The following CHCHD3 variants were observed in gnomAD, a reference collection of about 807,000 sequenced individuals.
The protein encoded by CHCHD3 is coiled-coil-helix-coiled-coil-helix domain containing 3.
CHCHD3 carries 20 observed loss-of-function variants against 38.2 expected under a neutral mutation model. The observed-to-expected ratio is 0.52, with a 90% CI of 0.37 to 0.76. The LOEUF (loss-of-function observed/expected upper bound fraction) is 0.76, where lower values mean the gene tolerates loss of function less well. Among genes scored for constraint, CHCHD3 ranks in the 30% least tolerant of loss-of-function variants. CHCHD3 has a pLI of 0.00. For synonymous variants in CHCHD3, 82 were observed against 100.0 expected, an observed-to-expected ratio of 0.82 and a Z score of 1.07; for missense variants, 245 against 279.2, an observed-to-expected ratio of 0.88 and a Z score of 0.87.
chr7:132,868,850 G>A (rs1808695225), intron 5 of CHCHD3, among the ~76,000 whole-genome samples: 1 of 152,068 alleles, frequency 6.6e-6, no homozygotes, highest in South Asian at 2.1e-4. Context: ...TAACTGCTGT[G>A]CGACTTTCCC....
chr7:132,966,876 CTTTAGTAGG>C (rs1486765650), intron 4 of CHCHD3, among the ~76,000 whole-genome samples: 1 of 152,188 alleles, frequency 6.6e-6, no homozygotes, highest in Non-Finnish European at 1.5e-5. Context: ...TTCTTAGCCT[CTTTAGTAGG>C]AAATGAGATT....
intron 7 of CHCHD3, among the ~76,000 whole-genome samples, chr7:132,795,751 G>C (rs542696389): frequency 6.6e-6 from 1 of 152,222 alleles, no homozygotes; most frequent in South Asian, 2.1e-4. Context: ...CTGTTAAATT[G>C]GTTAAATGAT....
At chr7:132,796,611 G>A in intron 6 of CHCHD3, 34 bp from the exon 7 acceptor site, 1 of 1,599,938 alleles carries the variant, frequency 6.3e-7, no homozygotes, top group Non-Finnish European at 8.6e-7. Flanking sequence ...TGAGACCAAT[G>A]GTCTTCATTC....
rs79563447 is a variant in CHCHD3 at position 132,907,979 on chromosome 7, T to C, written c.370-22234A>G. Among the ~76,000 whole-genome samples the C allele has an allele frequency of 3.9e-3, 593 of 152,014 alleles. 3 individuals are homozygous for C. The highest frequency in any genetic ancestry group is 0.014 in the African/African-American group (570 of 41,490). On this transcript the variant is annotated intron_variant, in intron 4 of 7. Transcript: ENST00000262570. Reference sequence around the variant, plus strand: ...AATGTACAAGAATTAACACAATACATACCATGACTATGCCACAGAAAAATC... The same window carrying C: ...AATGTACAAGAATTAACACAATACACACCATGACTATGCCACAGAAAAATC...
intron 4 of CHCHD3, among the ~76,000 whole-genome samples, chr7:132,892,684 GCT>G (rs1809393045): frequency 6.6e-6 from 1 of 152,170 alleles, no homozygotes; most frequent in African/African-American, 2.4e-5. Context: ...GGGCACTGCT[GCT>G]GTGTGCAGCC....
intron 4 of CHCHD3, among the ~76,000 whole-genome samples, chr7:132,949,158 T>C (rs911754094): frequency 6.6e-6 from 1 of 152,170 alleles, no homozygotes; most frequent in African/African-American, 2.4e-5. Context: ...ACTCTTCATA[T>C]ATCTATCTAT....
At chr7:132,894,074 A>G (rs148644572) in intron 4 of CHCHD3, among the ~76,000 whole-genome samples, 3 of 152,292 alleles carry the variant, frequency 2.0e-5, no homozygotes, top group African/African-American at 7.2e-5. Flanking sequence ...GGAGTACACA[A>G]ATTTTGAATA....
chr7:132,871,026 A>C (rs1247296703), intron 5 of CHCHD3, among the ~76,000 whole-genome samples: 1 of 152,230 alleles, frequency 6.6e-6, no homozygotes, highest in Non-Finnish European at 1.5e-5. Flanking sequence ...TTAAAATATC[A>C]GCAGTCTTGT....
intron 2 of CHCHD3, among the ~76,000 whole-genome samples, chr7:133,060,642 C>T (rs887158034): frequency 2.0e-5 from 3 of 152,214 alleles, no homozygotes; most frequent in African/African-American, 7.2e-5. Flanking sequence ...GGTGCGGTGG[C>T]TCAGGCCTGT....
chr7:132,968,564 C>T (rs764014720), intron 4 of CHCHD3, among the ~76,000 whole-genome samples: 1 of 152,140 alleles, frequency 6.6e-6, no homozygotes, highest in Non-Finnish European at 1.5e-5. Context: ...GCAAGAAAAC[C>T]AGTACACAAC....
intron 3 of CHCHD3, among the ~76,000 whole-genome samples, chr7:132,983,563 CAGTT>C (rs1811976648): frequency 1.3e-5 from 2 of 152,226 alleles, no homozygotes; most frequent in Admixed American, 6.5e-5. Flanking sequence ...ATCGAGTGAG[CAGTT>C]AGTCTCTCCA....
chr7:133,075,391 C>T (rs563131079), intron 1 of CHCHD3, among the ~76,000 whole-genome samples: 2 of 152,186 alleles, frequency 1.3e-5, no homozygotes, highest in Non-Finnish European at 2.9e-5. Context: ...ATCCTTAGGC[C>T]CTTCCAAAGC....
intron 3 of CHCHD3, among the ~76,000 whole-genome samples, chr7:133,018,914 G>A (rs980221421): frequency 4.5e-5 from 4 of 89,868 alleles, no homozygotes; most frequent in Admixed American, 1.9e-4. Flanking sequence ...ACGGAGTTTC[G>A]CTCTTATTGC....
chr7:133,069,311 G>C (rs1814754104), intron 2 of CHCHD3, among the ~76,000 whole-genome samples: 1 of 150,154 alleles, frequency 6.7e-6, no homozygotes, highest in Non-Finnish European at 1.5e-5. Context: ...GTAAGGGGCG[G>C]GGCGGGGGGG....
At chr7:132,858,848 T>C (rs1808411058) in intron 5 of CHCHD3, among the ~76,000 whole-genome samples, 1 of 152,204 alleles carries the variant, frequency 6.6e-6, no homozygotes. Flanking sequence ...TCCCAGGACA[T>C]GCGCTTTACA....
intron 2 of CHCHD3, among the ~76,000 whole-genome samples, chr7:133,032,317 G>T (rs1237003589): frequency 6.6e-6 from 1 of 152,100 alleles, no homozygotes; most frequent in African/African-American, 2.4e-5. Flanking sequence ...TACCTGGCAG[G>T]GGTAACTGTG....
At chr7:133,009,788 TA>T (rs1305373482) in intron 3 of CHCHD3, among the ~76,000 whole-genome samples, 1 of 152,230 alleles carries the variant, frequency 6.6e-6, no homozygotes, top group African/African-American at 2.4e-5. Context: ...ATGTAAAATG[TA>T]AGTGCAAACT....
intron 4 of CHCHD3, among the ~76,000 whole-genome samples, chr7:132,916,767 T>C (rs936449292): frequency 5.3e-5 from 8 of 152,032 alleles, no homozygotes; most frequent in Admixed American, 5.2e-4. Context: ...TTGGTAGAGA[T>C]GGGGTCTCTC....
intron 3 of CHCHD3, among the ~76,000 whole-genome samples, chr7:133,024,136 A>G (rs903403912): frequency 2.0e-5 from 3 of 152,226 alleles, no homozygotes; most frequent in Non-Finnish European, 4.4e-5. Flanking sequence ...GCTATTTGTT[A>G]ATCCGGGCAC....
Sources: allele counts gnomAD v4.1 joint callset (sites outside exome capture counted in the v4.1 genomes callset), GRCh38; gene constraint gnomAD v4.1.1; transcripts MANE v1.5; gene names NCBI Gene and HGNC (gene_info 2026-07-23, HGNC 2026-07-21).